The following WRAP73 variants were observed in gnomAD, a reference collection of about 807,000 sequenced individuals.
WRAP73 encodes the protein WD repeat containing, antisense to TP73.
In WRAP73, 55 loss-of-function variants were observed where a neutral mutation model predicts 59.6. The ratio of observed to expected loss-of-function variants is 0.92; its 90% confidence interval spans 0.74 to 1.15. WRAP73 has a LOEUF of 1.15. Among genes scored for constraint, WRAP73 ranks in the 50% most tolerant of loss-of-function variants. The pLI, the probability that WRAP73 is intolerant of heterozygous loss-of-function variation, is 0.00. For missense variants in WRAP73, 592 were observed against 608.1 expected, an observed-to-expected ratio of 0.97 and a Z score of 0.28; for synonymous variants, 265 against 258.2, an observed-to-expected ratio of 1.03 and a Z score of -0.25.
Position 3,633,467 on chromosome 1 carries a change from C to G in WRAP73, c.853G>C (p.Gly285Arg), listed in dbSNP as rs570760038. Reference protein sequence around the residue: ...YKEAEKSPQLGLGCLSFPPPR... With the variant: ...YKEAEKSPQLRLGCLSFPPPR... Reference sequence around the variant, plus strand: ...GGCGGGAAGGAGAGGCAGCCCAGTCCCAGCTGTGGGCTCTTCTCGGCCTCC... The same window carrying G: ...GGCGGGAAGGAGAGGCAGCCCAGTCGCAGCTGTGGGCTCTTCTCGGCCTCC... The change falls in exon 9 of 12, where the codon GGA becomes CGA. Residue 285 changes from glycine (G) to arginine (R), a missense_variant. Coordinates refer to ENST00000270708, the MANE Select transcript of WRAP73 (RefSeq NM_017818.4). 1.7e-5 allele frequency: 27 copies of G among 1,610,674 alleles called. No homozygotes were observed. In the South Asian group the frequency reaches 3.0e-4, roughly 18 times the overall value.
At chr1:3,648,030 T>G (rs1321401989) in intron 1 of WRAP73, among the ~76,000 whole-genome samples, 11 of 152,240 alleles carry the variant, frequency 7.2e-5, no homozygotes, top group Admixed American at 7.2e-4. Flanking sequence ...TGCATCAATC[T>G]TCTTATGCAG....
At chr1:3,648,344 A>G (rs1644710411) in intron 1 of WRAP73, among the ~76,000 whole-genome samples, 1 of 152,242 alleles carries the variant, frequency 6.6e-6, no homozygotes, top group South Asian at 2.1e-4. Context: ...CTGCTTCGTT[A>G]GTTTTACTTA....
chr1:3,648,163 T>C (rs1486404067), intron 1 of WRAP73, among the ~76,000 whole-genome samples: 2 of 152,192 alleles, frequency 1.3e-5, no homozygotes, highest in African/African-American at 4.8e-5. Flanking sequence ...AAACGGGAAA[T>C]GTTTAAGTGT....
intron 5 of WRAP73, chr1:3,636,278 T>C: frequency 2.0e-6 from 1 of 507,798 alleles, no homozygotes. Context: ...CCTGCACTCG[T>C]GTGCACACTC....
At chr1:3,638,314 A>G (rs1644607103) in intron 4 of WRAP73, among the ~76,000 whole-genome samples, 1 of 152,236 alleles carries the variant, frequency 6.6e-6, no homozygotes, top group African/African-American at 2.4e-5. Context: ...TCCCTCTGGG[A>G]TGCCCAGAGA....
chr1:3,632,581 G>A lies in WRAP73; in HGVS notation c.923-243C>T. On this transcript the variant is annotated intron_variant, in intron 9 of 11. Coordinates refer to ENST00000270708, the MANE Select transcript of WRAP73 (RefSeq NM_017818.4). ...TGCCAGGCCCGACTAGGTGGGGGGT[G>A]GACCCCACGTGCCAGGGGCTGACTG... is the stretch of plus-strand genomic sequence containing the variant. 5 of 554,832 alleles carry A rather than the reference G, an allele frequency of 9.0e-6. No individual in the cohort carries two copies. In the South Asian group the frequency reaches 9.8e-5, roughly 11 times the overall value. 34.4% of individuals were successfully genotyped at this position (554,832 alleles called of 1,614,324 possible).
In WRAP73 at chr1:3,636,990, C is replaced by T; in HGVS notation, c.516+5G>A. 1 of 1,613,496 alleles carries T rather than the reference C, an allele frequency of 6.2e-7. No individual in the cohort carries two copies. Among genetic ancestry groups the T allele is most frequent in the Non-Finnish European group, 8.5e-7 (1 of 1,179,878 alleles). Reference sequence around the variant, plus strand: ...AACTTTATTCCAGTCTGGGGGACGCCTTACCCGCAGGAGCTGCCAATCACT... The same window carrying T: ...AACTTTATTCCAGTCTGGGGGACGCTTTACCCGCAGGAGCTGCCAATCACT... On this transcript the variant is annotated splice_donor_5th_base_variant and intron_variant, in intron 5 of 11. Coordinates refer to ENST00000270708, the MANE Select transcript of WRAP73 (RefSeq NM_017818.4).
At chr1:3,636,216 A>G (rs2821061) in intron 5 of WRAP73, 186 bp from the exon 6 acceptor site, 563,124 of 599,444 alleles carry the variant, frequency 0.94, 264,908 homozygotes, top group East Asian at 1. Context: ...ACCGCCACAG[A>G]TGCCAGCGTC....
At chr1:3,645,510 G>A (rs1280166559) in intron 3 of WRAP73, among the ~76,000 whole-genome samples, 1 of 149,674 alleles carries the variant, frequency 6.7e-6, no homozygotes, top group Non-Finnish European at 1.5e-5. Context: ...CAGCGGGATG[G>A]GCGGGTTGCC....
chr1:3,648,187 TTAAAGA>T (rs1257490472), intron 1 of WRAP73, among the ~76,000 whole-genome samples: 3 of 152,242 alleles, frequency 2.0e-5, no homozygotes, highest in Non-Finnish European at 2.9e-5. Context: ...TACTATTTTC[TTAAAGA>T]TAGTTTCTTC....
At chr1:3,635,734 T>C (rs899337211) in intron 6 of WRAP73, 3 of 549,078 alleles carry the variant, frequency 5.5e-6, no homozygotes, top group Non-Finnish European at 9.7e-6. Flanking sequence ...GGTAGGAGGA[T>C]CACTTGAGTC....
At chr1:3,632,927 A>T (rs891586733) in intron 9 of WRAP73, 4 of 221,836 alleles carry the variant, frequency 1.8e-5, no homozygotes, top group Non-Finnish European at 3.6e-5. Context: ...AGATGCCCTC[A>T]TGCCCCTGTG....
chr1:3,641,214 G>A (rs1644641056), intron 3 of WRAP73, among the ~76,000 whole-genome samples: 1 of 152,144 alleles, frequency 6.6e-6, no homozygotes, highest in Non-Finnish European at 1.5e-5. Context: ...AGGGAAGGAA[G>A]GGGCCGCTGA....
In WRAP73 at chr1:3,635,243, C is replaced by T. The variant is rs771839164; in HGVS notation, c.655G>A (p.Ala219Thr). The T allele has an allele frequency of 2.2e-5, 36 of 1,614,022 alleles. No individual in the cohort carries two copies. Among genetic ancestry groups the T allele is most frequent in the South Asian group, 1.1e-4 (10 of 91,090 alleles). ...LDGRLLSTYSAYEWSLGIKSV... is the reference protein window; with the variant it reads ...LDGRLLSTYSTYEWSLGIKSV... The stretch of plus-strand genomic sequence containing the variant: ...TTGATGCCCAGGGACCACTCGTAAG[C>T]GCTGTACGTGGACAACAACCGGCCA... Residue 219 changes from alanine to threonine, a missense_variant, in exon 7 of 12, where the codon GCT becomes ACT. Physicochemically the swap from Ala to Thr is moderately conservative, Grantham distance 58. Coordinates refer to ENST00000270708, the MANE Select transcript of WRAP73 (RefSeq NM_017818.4).
intron 11 of WRAP73, 156 bp from the exon 12 acceptor site, chr1:3,631,273 G>C: frequency 7.3e-7 from 1 of 1,360,602 alleles, no homozygotes; most frequent in Non-Finnish European, 1.0e-6. Flanking sequence ...TCAGGGAGAG[G>C]CTGCTTCTAG....
In WRAP73 at chr1:3,630,897, C is replaced by A. The variant is rs1346729496; in HGVS notation, c.*78G>T. 5 of 1,539,320 alleles carry A rather than the reference C, an allele frequency of 3.2e-6. No individual in the cohort carries two copies. The African/African-American group carries it at 6.9e-5, about 21-fold the overall frequency. Reference sequence around the variant, plus strand: ...GAATCCAGACCACCACAGTGGAGAACCTCCTGGTGAAGCTGTGTTTTTTCC... The same window carrying A: ...GAATCCAGACCACCACAGTGGAGAAACTCCTGGTGAAGCTGTGTTTTTTCC... On this transcript the variant is annotated 3_prime_UTR_variant, in exon 12 of 12. Transcript: ENST00000270708.
intron 10 of WRAP73, 181 bp from the exon 11 acceptor site, chr1:3,631,838 T>C (rs1251322432): frequency 1.4e-6 from 2 of 1,407,000 alleles, no homozygotes; most frequent in African/African-American, 1.5e-5. Context: ...AGGGCCAGGG[T>C]GGCCATCACG....
rs866259456 is a variant in WRAP73, at chr1:3,640,422, T to A, written c.340-1600A>T. Among the ~76,000 whole-genome samples the A allele has an allele frequency of 9.3e-5, 14 of 151,334 alleles. No homozygotes were observed. In the South Asian group the frequency reaches 2.5e-3, roughly 27 times the overall value. On this transcript the variant is annotated intron_variant, in intron 3 of 11. Coordinates refer to ENST00000270708, the MANE Select transcript of WRAP73 (RefSeq NM_017818.4). The stretch of plus-strand genomic sequence containing the variant: ...GGGCGGGGTGGAGCGCCCGAGCATC[T>A]CAGCATCAGCAGGGCGGGGTGGAGC...
At chr1:3,636,912 C>A in intron 5 of WRAP73, 83 bp downstream of exon 5, 1 of 1,376,814 alleles carries the variant, frequency 7.3e-7, no homozygotes, top group Non-Finnish European at 1.0e-6. Flanking sequence ...ACCAAAGATC[C>A]CCTGGAATCT....
Sources: allele counts gnomAD v4.1 joint callset (sites outside exome capture counted in the v4.1 genomes callset), GRCh38; gene constraint gnomAD v4.1.1; transcripts MANE v1.5; gene names NCBI Gene and HGNC (gene_info 2026-07-23, HGNC 2026-07-21).